Variants in GOLGB1 observed in about 807,000 individuals in gnomAD.
GOLGB1 encodes the protein golgin B1, also known as golgin subfamily B member 1.
A neutral mutation model predicts 336.9 loss-of-function variants in GOLGB1; 174 were observed. That is an observed-to-expected ratio of 0.52 (90% CI 0.46 to 0.59). GOLGB1 has a LOEUF of 0.59. Ranked by LOEUF, GOLGB1 falls within the 20% of genes least tolerant of loss-of-function variation. The pLI, the probability that GOLGB1 is intolerant of heterozygous loss-of-function variation, is 0.00. For missense variants in GOLGB1, 3,331 were observed against 3,645.3 expected (o/e 0.91, Z 2.22); for synonymous variants, 1,208 against 1,289.2 (o/e 0.94, Z 1.35).
chr3:121,666,119 T>C (rs1938578444), intron 20 of GOLGB1, among the ~76,000 whole-genome samples: 1 of 152,168 alleles, frequency 6.6e-6, no homozygotes, highest in Admixed American at 6.5e-5. Flanking sequence ...CTGTAGGTAT[T>C]GATGAGGAAG....
intron 14 of GOLGB1, among the ~76,000 whole-genome samples, chr3:121,683,776 A>G (rs1045850349): frequency 1.3e-5 from 2 of 152,178 alleles, no homozygotes; most frequent in Non-Finnish European, 2.9e-5. Flanking sequence ...ATTATAAAGA[A>G]AAACTCATTA....
intron 1 of GOLGB1, 128 bp from the exon 2 acceptor site, chr3:121,731,101 G>T: frequency 2.3e-6 from 2 of 875,562 alleles, no homozygotes; most frequent in Non-Finnish European, 3.4e-6. Flanking sequence ...ATTAGACACA[G>T]TCTGCAGCAC....
intron 21 of GOLGB1, 84 bp downstream of exon 21, chr3:121,664,842 T>C: frequency 1.1e-6 from 1 of 873,610 alleles, no homozygotes; most frequent in Non-Finnish European, 1.9e-6. Flanking sequence ...GACTTCCACA[T>C]TCCTTCTCCT....
At position 121,716,834 on chromosome 3, in the gene GOLGB1, C is replaced by T; in HGVS notation, c.1191G>A (p.Gln397=). Residue 397 remains glutamine, a synonymous_variant, in exon 9 of 22, where the codon CAG becomes CAA. Transcript: ENST00000614479. ...LSLQKTGQEL[Q]SACDALKDQN... is the part of the protein sequence containing the mutation. ...GATCCTTTAGAGCATCACAGGCAGA[C>T]TGCAGCTCTTGTCCAGTCTTTTGAA... The T allele has an allele frequency of 6.2e-7, 1 of 1,613,350 alleles. No homozygotes were observed. Among genetic ancestry groups the T allele is most frequent in the South Asian group, 1.1e-5 (1 of 91,074 alleles).
rs1942981159 is a variant in GOLGB1 at position 121,696,732 on chromosome 3, G to A, written c.3791C>T (p.Ser1264Phe). 6.2e-7 allele frequency: 1 copy of A among 1,614,084 alleles called. No individual in the cohort carries two copies. The highest frequency in any genetic ancestry group is 8.5e-7 in the Non-Finnish European group (1 of 1,179,972). The change falls in exon 13 of 22, where the codon TCC (serine) becomes TTC (phenylalanine). Residue 1264 changes from serine to phenylalanine, a missense_variant. Coordinates refer to ENST00000614479, the MANE Select transcript of GOLGB1 (RefSeq NM_001366282.2). ...PSTDQQESCS[S>F]TPGLEEPLFK... ...TAAAGGTTCTTCTAAACCTGGAGTGGAAGAACACGATTCCTGCTGGTCTGT... is the reference window on the plus strand; with the variant it reads ...TAAAGGTTCTTCTAAACCTGGAGTGAAAGAACACGATTCCTGCTGGTCTGT...
chr3:121,695,359 G>C lies in GOLGB1; in HGVS notation c.5164C>G (p.Leu1722Val). The change falls in exon 13 of 22, where the codon CTT becomes GTT. Residue 1722 changes from leucine to valine, a missense_variant. Physicochemically the swap from Leu to Val is conservative, Grantham distance 32. Coordinates refer to ENST00000614479, the MANE Select transcript of GOLGB1 (RefSeq NM_001366282.2). ...TTCATGCTGGCATTGGAAGAAAGAA[G>C]TGTTTCCATACACTCTTTAGCTGTA... Reference protein sequence around the residue: ...GDTAKECMETLLSSNASMKEE... With the variant: ...GDTAKECMETVLSSNASMKEE... The C allele has an allele frequency of 1.2e-6, 2 of 1,613,950 alleles. No individual in the cohort carries two copies. Among genetic ancestry groups the C allele is most frequent in the Non-Finnish European group, 1.7e-6 (2 of 1,179,916 alleles).
intron 6 of GOLGB1, 51 bp from the exon 7 acceptor site, chr3:121,719,819 C>T: frequency 1.4e-6 from 2 of 1,481,204 alleles, no homozygotes; most frequent in Non-Finnish European, 1.8e-6. Flanking sequence ...CCGAATATTG[C>T]ACAAATAAAA....
intron 5 of GOLGB1, among the ~76,000 whole-genome samples, chr3:121,725,675 C>G (rs916082973): frequency 6.6e-6 from 1 of 152,070 alleles, no homozygotes; most frequent in South Asian, 2.1e-4. Context: ...CCAAAACTCA[C>G]GTTGAAACTG....
chr3:121,737,645 G>A (rs1472042143), intron 1 of GOLGB1, among the ~76,000 whole-genome samples: 3 of 141,640 alleles, frequency 2.1e-5, no homozygotes, highest in East Asian at 4.7e-4. Context: ...GAGCAAGACC[G>A]CGTCTCAAAA....
intron 1 of GOLGB1, among the ~76,000 whole-genome samples, chr3:121,743,519 G>A (rs1008624174): frequency 4.6e-5 from 7 of 152,156 alleles, no homozygotes; most frequent in Non-Finnish European, 7.3e-5. Context: ...TGTAAATGAC[G>A]AGTTGATGGG....
At chr3:121,684,168 A>C (rs1185204369) in intron 14 of GOLGB1, among the ~76,000 whole-genome samples, 1 of 138,976 alleles carries the variant, frequency 7.2e-6, no homozygotes, top group Non-Finnish European at 1.6e-5. Context: ...AAATCTGTCT[A>C]TGAGACACAG....
Position 121,719,677 on chromosome 3 carries a change from G to T in GOLGB1, c.740C>A (p.Thr247Asn), listed in dbSNP as rs780670629. 2 of 1,610,640 alleles carry T rather than the reference G, an allele frequency of 1.2e-6. No homozygotes were observed. Among genetic ancestry groups the T allele is most frequent in the South Asian group, 1.1e-5 (1 of 90,662 alleles). The change falls in exon 7 of 22, where the codon ACC becomes AAC. Residue 247 changes from threonine (T) to asparagine (N), a missense_variant. Physicochemically the swap from Thr to Asn is moderately conservative, Grantham distance 65 (BLOSUM62 0). Coordinates refer to ENST00000614479, the MANE Select transcript of GOLGB1 (RefSeq NM_001366282.2). ...CATCTCTGTTTCCACATCTGCCTGG[G>T]TTACTAACTGAAGAAGCTCATCTTC... The part of the protein sequence containing the change: ...LHEDELLQLV[T>N]QADVETEMQQ...
intron 5 of GOLGB1, among the ~76,000 whole-genome samples, chr3:121,725,030 C>G (rs116162056): frequency 0.02 from 3,001 of 152,246 alleles, 80 homozygotes; most frequent in African/African-American, 0.068. Flanking sequence ...TCTCCACTTA[C>G]ATGTCGAAGG....
chr3:121,682,884 T>TA (rs1941240182), intron 14 of GOLGB1, among the ~76,000 whole-genome samples: 1 of 152,140 alleles, frequency 6.6e-6, no homozygotes, highest in East Asian at 1.9e-4. Flanking sequence ...CTAAAGCTGG[T>TA]AGTAAGAAAA....
chr3:121,729,822 C>T (rs776772726), intron 3 of GOLGB1, 43 bp downstream of exon 3: 10 of 1,464,218 alleles, frequency 6.8e-6, no homozygotes, highest in Non-Finnish European at 9.5e-6. Flanking sequence ...TATCATCTGT[C>T]CTTTATCAAA....
chr3:121,744,322 A>C (rs1947089958), intron 1 of GOLGB1, among the ~76,000 whole-genome samples: 1 of 151,878 alleles, frequency 6.6e-6, no homozygotes, highest in African/African-American at 2.4e-5. Flanking sequence ...ATAATACAAT[A>C]GCAGTCAGGC....
intron 1 of GOLGB1, among the ~76,000 whole-genome samples, chr3:121,738,988 C>T (rs923294917): frequency 6.6e-6 from 1 of 152,122 alleles, no homozygotes; most frequent in Non-Finnish European, 1.5e-5. Context: ...TGAGGCCAGG[C>T]GTGCTAGCTC....
Position 121,664,187 on chromosome 3 carries a change from A to G in GOLGB1, c.*293T>C, listed in dbSNP as rs928909100. 5.5e-6 allele frequency: 2 copies of G among 364,084 alleles called. No individual in the cohort carries two copies. The highest frequency in any genetic ancestry group is 1.0e-5 in the Non-Finnish European group (2 of 197,800). The allele number at this position is 364,084 out of a possible 1,614,324, so 22.6% of individuals were successfully genotyped here. ...CCTCAGTATCTTTTACAGGACCACA[A>G]AAGATCAGGGTCCTGCAAAATCTCA... On this transcript the variant is annotated 3_prime_UTR_variant, in exon 22 of 22. Coordinates refer to ENST00000614479, the MANE Select transcript of GOLGB1 (RefSeq NM_001366282.2).
chr3:121,675,993 A>G (rs1330988006), intron 17 of GOLGB1, among the ~76,000 whole-genome samples: 1 of 152,112 alleles, frequency 6.6e-6, no homozygotes, highest in Non-Finnish European at 1.5e-5. Flanking sequence ...TGGAAGGGGA[A>G]CTCCATGGGA....
Sources: gnomAD v4.1 joint callset for allele counts (sites outside exome capture counted in the v4.1 genomes callset) on GRCh38, gnomAD v4.1.1 for gene constraint, MANE v1.5 for transcripts, NCBI Gene and HGNC (gene_info 2026-07-23, HGNC 2026-07-21) for gene names.